PCDH15: variants seen among roughly 807,000 people sequenced by gnomAD.
PCDH15 encodes protocadherin related 15, also known as protocadherin-15.
A neutral mutation model predicts 178.5 loss-of-function variants in PCDH15; 129 were observed. The ratio of observed to expected loss-of-function variants is 0.72; its 90% CI spans 0.63 to 0.84. PCDH15 has a LOEUF of 0.84. Among genes scored for constraint, PCDH15 ranks in the 40% least tolerant of loss-of-function variants. The probability of loss-of-function intolerance (pLI) is 0.00; values close to 1 mark genes in which losing one functional copy is unlikely to be tolerated. For synonymous variants in PCDH15, 800 were observed against 732.0 expected, an observed-to-expected ratio of 1.09 and a Z score of -1.50; for missense variants, 2,230 against 2,099.9, an observed-to-expected ratio of 1.06 and a Z score of -1.21.
chr10:55,594,497 GA>G (rs1216553268), intron 2 of PCDH15, among the ~76,000 whole-genome samples: 2 of 151,912 alleles, frequency 1.3e-5, no homozygotes, highest in African/African-American at 4.8e-5. Flanking sequence ...AATTGCAATG[GA>G]AAAACTGCTA....
At chr10:54,009,458 G>T (rs2135133949) in intron 20 of PCDH15, among the ~76,000 whole-genome samples, 1 of 152,274 alleles carries the variant, frequency 6.6e-6, no homozygotes, top group Non-Finnish European at 1.5e-5. Context: ...GCATCAATTT[G>T]TGTGCTAGCA....
intron 2 of PCDH15, among the ~76,000 whole-genome samples, chr10:55,047,865 T>C (rs968876427): frequency 6.6e-6 from 1 of 151,882 alleles, no homozygotes; most frequent in Non-Finnish European, 1.5e-5. Flanking sequence ...AGGAAATTTA[T>C]TTTCTTTGAA....
At chr10:55,387,258 T>C (rs1837685566) in intron 2 of PCDH15, among the ~76,000 whole-genome samples, 1 of 152,058 alleles carries the variant, frequency 6.6e-6, no homozygotes, top group Non-Finnish European at 1.5e-5. Flanking sequence ...CAGAGAGCCC[T>C]AGGATCGCTG....
rs2080867537 is a variant in PCDH15, at chr10:54,503,233, G to GTC, written c.157+24578_157+24579insGA. Among the ~76,000 whole-genome samples the GTC allele has an allele frequency of 6.8e-5, 7 of 102,770 alleles. No individual in the cohort carries two copies. In the East Asian group the frequency reaches 1.7e-3, roughly 25 times the overall value. 67.4% of individuals were successfully genotyped at this position (102,770 alleles called of 152,430 possible). A position where few individuals can be genotyped will look rare whatever the true frequency, so the allele number is the denominator to read the frequency against. ...GCCAAATATACATATATATGTGTGT[G>GTC]TGTGTGTGTGTGTGTGTGTGTGTGT... On this transcript the variant is annotated intron_variant, in intron 3 of 37. Coordinates refer to ENST00000644397, the MANE Select transcript of PCDH15 (RefSeq NM_001384140.1).
At chr10:54,434,234 T>C (rs1448924681) in intron 3 of PCDH15, among the ~76,000 whole-genome samples, 2 of 140,774 alleles carry the variant, frequency 1.4e-5, no homozygotes, top group Non-Finnish European at 3.2e-5. Context: ...TAAGCTAAGA[T>C]TAATTACTGA....
rs1258247383 is a variant in PCDH15, at chr10:53,997,115, TAGG to T, written c.2752-1353_2752-1351del. On this transcript the variant is annotated intron_variant, in intron 20 of 37. Transcript: ENST00000644397. ...ATATGAATAAACCTGCATATTCTAATAGGAGAACTTGAACTGTACACAAAACTG... is the reference window on the plus strand; with the variant it reads ...ATATGAATAAACCTGCATATTCTAATAGAACTTGAACTGTACACAAAACTG... Among the ~76,000 whole-genome samples, 3 of 152,278 alleles carry T rather than the reference TAGG, an allele frequency of 2.0e-5. No individual in the cohort carries two copies. The East Asian group carries it at 5.8e-4, about 29-fold the overall frequency.
At chr10:53,999,488 C>G (rs150662666) in intron 20 of PCDH15, among the ~76,000 whole-genome samples, 2 of 152,284 alleles carry the variant, frequency 1.3e-5, no homozygotes, top group Non-Finnish European at 2.9e-5. Context: ...AAGGCTACAT[C>G]TGCAGCTAAA....
chr10:53,821,788 C>A, intron 32 of PCDH15: 1 of 1,597,124 alleles, frequency 6.3e-7, no homozygotes, highest in Non-Finnish European at 8.5e-7. Flanking sequence ...CTTTGACGTT[C>A]AAATTTGATG....
chr10:54,447,305 T>C (rs760146984), intron 3 of PCDH15, among the ~76,000 whole-genome samples: 25 of 151,756 alleles, frequency 1.6e-4, no homozygotes, highest in South Asian at 6.2e-4. Context: ...TTCACTGTAG[T>C]CACCATGATG....
intron 2 of PCDH15, among the ~76,000 whole-genome samples, chr10:55,410,460 G>A (rs1194465398): frequency 1.3e-5 from 2 of 152,086 alleles, no homozygotes; most frequent in African/African-American, 2.4e-5. Context: ...ATGAGACGAA[G>A]AATAAATAGC....
At chr10:53,877,432 A>T (rs2080327047) in intron 26 of PCDH15, among the ~76,000 whole-genome samples, 1 of 151,950 alleles carries the variant, frequency 6.6e-6, no homozygotes, top group African/African-American at 2.4e-5. Flanking sequence ...GTTTTGAATC[A>T]CAAAATGCTA....
intron 3 of PCDH15, among the ~76,000 whole-genome samples, chr10:54,450,660 C>T (rs2076427376): frequency 6.6e-6 from 1 of 151,476 alleles, no homozygotes; most frequent in Non-Finnish European, 1.5e-5. Flanking sequence ...AATAACTTTA[C>T]TCAGTTATAT....
At chr10:55,019,866 T>C (rs777277977) in intron 2 of PCDH15, among the ~76,000 whole-genome samples, 1 of 151,842 alleles carries the variant, frequency 6.6e-6, no homozygotes, top group Non-Finnish European at 1.5e-5. Context: ...ACAATGTCAA[T>C]AGAATAGATA....
chr10:54,020,523 G>A, intron 19 of PCDH15, 107 bp from the exon 20 acceptor site: 1 of 1,074,646 alleles, frequency 9.3e-7, no homozygotes, highest in Non-Finnish European at 1.4e-6. Flanking sequence ...AATTTAACGA[G>A]GACAAAAAGA....
chr10:54,906,908 T>C (rs1954732443), intron 2 of PCDH15, among the ~76,000 whole-genome samples: 1 of 152,152 alleles, frequency 6.6e-6, no homozygotes, highest in Admixed American at 6.6e-5. Flanking sequence ...AGAAATCACA[T>C]TACCCTAATA....
At chr10:55,588,147 A>G (rs999540029) in intron 2 of PCDH15, among the ~76,000 whole-genome samples, 3 of 152,204 alleles carry the variant, frequency 2.0e-5, no homozygotes, top group African/African-American at 7.2e-5. Context: ...TTGACTTGTC[A>G]TAGGCCTCTG....
chr10:54,095,018 A>G (rs2094674643), intron 15 of PCDH15, among the ~76,000 whole-genome samples: 1 of 152,162 alleles, frequency 6.6e-6, no homozygotes, highest in Non-Finnish European at 1.5e-5. Flanking sequence ...GCCATCAAAT[A>G]CCGTCTGATA....
chr10:54,638,220 T>C (rs1254133332), intron 2 of PCDH15, among the ~76,000 whole-genome samples: 2 of 152,094 alleles, frequency 1.3e-5, no homozygotes, highest in African/African-American at 4.8e-5. Context: ...TTTAGACATA[T>C]ACATTATGAG....
chr10:54,497,490 T>C (rs1589721438), intron 3 of PCDH15, among the ~76,000 whole-genome samples: 1 of 152,210 alleles, frequency 6.6e-6, no homozygotes, highest in African/African-American at 2.4e-5. Flanking sequence ...GGAATCTCGA[T>C]GACATGTAAC....
Sources: allele counts gnomAD v4.1 joint callset (sites outside exome capture counted in the v4.1 genomes callset), GRCh38; gene constraint gnomAD v4.1.1; transcripts MANE v1.5; gene names NCBI Gene and HGNC (gene_info 2026-07-23, HGNC 2026-07-21).